Variants in PPP1R9A observed in about 807,000 individuals in gnomAD.
PPP1R9A encodes neurabin-1.
A neutral mutation model predicts 141.9 loss-of-function variants in PPP1R9A; 59 were observed. That is an observed-to-expected ratio of 0.42 (90% CI 0.34 to 0.52). The LOEUF (loss-of-function observed/expected upper bound fraction) is 0.52. Ranked by LOEUF, PPP1R9A falls within the 20% of genes least tolerant of loss-of-function variation. The pLI is 0.10. For synonymous variants in PPP1R9A, 500 were observed against 569.7 expected, an observed-to-expected ratio of 0.88 and a Z score of 1.74; for missense variants, 1,444 against 1,611.9, an observed-to-expected ratio of 0.90 and a Z score of 1.78.
At chr7:95,228,277 C>G (rs1021777906) in intron 8 of PPP1R9A, among the ~76,000 whole-genome samples, 4 of 152,154 alleles carry the variant, frequency 2.6e-5, no homozygotes, top group African/African-American at 7.2e-5. Context: ...CATGTTTTTG[C>G]TTATTATCAT....
chr7:94,929,320 GTGCACAGGA>G (rs1793873972), intron 2 of PPP1R9A, among the ~76,000 whole-genome samples: 1 of 152,216 alleles, frequency 6.6e-6, no homozygotes. Flanking sequence ...CAATAGAGGT[GTGCACAGGA>G]TGCTGTGAGT....
At chr7:95,220,595 A>G (rs1183778547) in intron 7 of PPP1R9A, among the ~76,000 whole-genome samples, 1 of 152,076 alleles carries the variant, frequency 6.6e-6, no homozygotes, top group African/African-American at 2.4e-5. Context: ...ATGTGGCTAC[A>G]ACTATCTGAA....
intron 10 of PPP1R9A, among the ~76,000 whole-genome samples, chr7:95,250,885 G>T (rs1798784441): frequency 6.6e-6 from 1 of 152,024 alleles, no homozygotes; most frequent in Admixed American, 6.6e-5. Flanking sequence ...GGATCTCGGT[G>T]TAATGTCACG....
chr7:95,011,303 A>G (rs936652525), intron 2 of PPP1R9A, among the ~76,000 whole-genome samples: 1 of 152,138 alleles, frequency 6.6e-6, no homozygotes, highest in East Asian at 1.9e-4. Context: ...ATTTTGGCTT[A>G]CTTAGTCTTT....
intron 4 of PPP1R9A, among the ~76,000 whole-genome samples, chr7:95,142,355 G>A (rs1395817176): frequency 1.3e-5 from 2 of 151,698 alleles, no homozygotes; most frequent in Non-Finnish European, 2.9e-5. Context: ...TTTTAATTTT[G>A]ATGAAGTTCA....
At chr7:95,288,860 C>A in intron 19 of PPP1R9A, 142 bp downstream of exon 19, 1 of 1,136,706 alleles carries the variant, frequency 8.8e-7, no homozygotes. Flanking sequence ...ATGTTGAATT[C>A]TTTCTGAGTA....
chr7:95,132,734 A>T (rs1824890314), intron 4 of PPP1R9A, among the ~76,000 whole-genome samples: 1 of 150,040 alleles, frequency 6.7e-6, no homozygotes, highest in Non-Finnish European at 1.5e-5. Context: ...CCCAGTCTGG[A>T]TGCTGCACCC....
chr7:95,243,563 A>G (rs1797742299), intron 8 of PPP1R9A, among the ~76,000 whole-genome samples: 1 of 152,134 alleles, frequency 6.6e-6, no homozygotes, highest in African/African-American at 2.4e-5. Context: ...AGAGGTTATG[A>G]TGATGACATA....
chr7:95,252,515 T>C (rs1325212763), intron 12 of PPP1R9A, among the ~76,000 whole-genome samples: 1 of 143,882 alleles, frequency 7.0e-6, no homozygotes, highest in East Asian at 2.1e-4. Context: ...TCATCCAGGC[T>C]GGAGTACAGT....
At chr7:95,051,197 G>A (rs929076617) in intron 2 of PPP1R9A, among the ~76,000 whole-genome samples, 5 of 149,766 alleles carry the variant, frequency 3.3e-5, no homozygotes, top group African/African-American at 1.2e-4. Context: ...TTTTTCTTTC[G>A]AATAGGGATG....
At chr7:95,123,909 AGTT>A (rs1823083689) in intron 4 of PPP1R9A, among the ~76,000 whole-genome samples, 1 of 152,194 alleles carries the variant, frequency 6.6e-6, no homozygotes, top group Non-Finnish European at 1.5e-5. Context: ...TAAAAAAAAT[AGTT>A]ATTATGGGAG....
chr7:94,948,890 G>A lies in PPP1R9A; in HGVS notation c.1395+37382G>A, dbSNP rs146769216. The stretch of plus-strand genomic sequence containing the variant: ...TACTCCAATTATTATTATTCATTTT[G>A]TGTCAAGGGTATATATCACTACGCC... On this transcript the variant is annotated intron_variant, in intron 2 of 19. Coordinates refer to ENST00000433360, the MANE Select transcript of PPP1R9A (RefSeq NM_001166160.2). 1.8e-4 allele frequency among the ~76,000 whole-genome samples: 27 copies of A among 152,178 alleles called. No homozygotes were observed. In the East Asian group the frequency reaches 5.0e-3, roughly 28 times the overall value.
intron 4 of PPP1R9A, among the ~76,000 whole-genome samples, chr7:95,128,173 A>G (rs1424867713): frequency 1.3e-5 from 2 of 152,184 alleles, no homozygotes; most frequent in Non-Finnish European, 2.9e-5. Context: ...CCTCACCAGC[A>G]TCTGTTGTTT....
chr7:95,191,676 C>T (rs1489825297), intron 5 of PPP1R9A, among the ~76,000 whole-genome samples: 2 of 151,934 alleles, frequency 1.3e-5, no homozygotes, highest in Middle Eastern at 3.2e-3. Flanking sequence ...TATTATTTGG[C>T]GATGATAAGC....
intron 8 of PPP1R9A, among the ~76,000 whole-genome samples, chr7:95,234,909 A>C (rs530400896): frequency 1.3e-5 from 2 of 152,308 alleles, no homozygotes; most frequent in South Asian, 4.1e-4. Context: ...AAAAACATGA[A>C]GTGGGGAAAG....
intron 2 of PPP1R9A, among the ~76,000 whole-genome samples, chr7:95,043,901 G>A (rs1417187457): frequency 6.6e-6 from 1 of 152,120 alleles, no homozygotes; most frequent in South Asian, 2.1e-4. Context: ...GATTCTTCCA[G>A]TTCTGTCCTG....
intron 2 of PPP1R9A, among the ~76,000 whole-genome samples, chr7:94,950,172 A>G (rs918798146): frequency 6.6e-6 from 1 of 152,072 alleles, no homozygotes; most frequent in East Asian, 1.9e-4. Context: ...CAAAAACTTG[A>G]GATAGGATGA....
chr7:95,160,826 T>C (rs1830371228), intron 4 of PPP1R9A, among the ~76,000 whole-genome samples: 1 of 152,218 alleles, frequency 6.6e-6, no homozygotes, highest in South Asian at 2.1e-4. Context: ...GGCCTCCAGA[T>C]GCATCCGTGT....
intron 4 of PPP1R9A, among the ~76,000 whole-genome samples, chr7:95,157,193 G>A (rs1829755508): frequency 6.6e-6 from 1 of 152,160 alleles, no homozygotes. Context: ...GCAGGGAGAA[G>A]CCAAGCAGCG....
Sources: gnomAD v4.1 joint callset for allele counts (sites outside exome capture counted in the v4.1 genomes callset) on GRCh38, gnomAD v4.1.1 for gene constraint, MANE v1.5 for transcripts, NCBI Gene and HGNC (gene_info 2026-07-23, HGNC 2026-07-21) for gene names.